The following ABCC9 variants were observed in gnomAD, a reference collection of about 807,000 sequenced individuals.
The protein encoded by ABCC9 is ATP binding cassette subfamily C member 9, also known as ATP-binding cassette sub-family C member 9.
ABCC9 carries 95 observed loss-of-function variants against 188.3 expected under a neutral mutation model. That is an observed-to-expected ratio of 0.50 (90% CI 0.43 to 0.60). The LOEUF (loss-of-function observed/expected upper bound fraction) is 0.60, where lower values mean the gene tolerates loss of function less well. ABCC9 is among the 20% of genes least tolerant of loss of function. The pLI, the probability that ABCC9 is intolerant of heterozygous loss-of-function variation, is 0.00. For missense variants in ABCC9, 1,102 were observed against 1,876.3 expected (o/e 0.59, Z 7.62); for synonymous variants, 659 against 652.7 (o/e 1.01, Z -0.15).
rs193245891 is a variant in ABCC9, at chr12:21,832,953, C to T, written c.3567-3893G>A. On this transcript the variant is annotated intron_variant, in intron 30 of 39. Coordinates refer to ENST00000261200, the MANE Select transcript of ABCC9 (RefSeq NM_020297.4). ...AATACTACTCAGCCATAACAAGGAA[C>T]GAAATAATGGCATTCTCAGCAACCT... 5.8e-4 allele frequency among the ~76,000 whole-genome samples: 88 copies of T among 152,208 alleles called. 1 individual carries two copies. The East Asian group carries it at 0.013, about 22-fold the overall frequency.
In ABCC9 at chr12:21,882,783, C is replaced by T. The variant is rs757093666; in HGVS notation, c.2002G>A (p.Glu668Lys). The change falls in exon 16 of 40, where the codon GAG (glutamate) becomes AAG (lysine). Residue 668 changes from glutamate (E) to lysine (K), a missense_variant. By Grantham distance (56) the Glu-to-Lys change is moderately conservative. Around this residue, in one of 12 missense-constraint regions of ABCC9, gnomAD observed 258 missense variants for 325.6 expected, o/e 0.79. Coordinates refer to ENST00000261200, the MANE Select transcript of ABCC9 (RefSeq NM_020297.4). ...AAAATAACCTTTATTGCAATGTCCT[C>T]TGTTTCTGCGGGACGTAGACGCCGT... ...STRRLRPAET[E>K]DIAIKVTNGY... The T allele has an allele frequency of 1.2e-6, 2 of 1,612,496 alleles. No homozygotes were observed. Among genetic ancestry groups the T allele is most frequent in the East Asian group, 2.2e-5 (1 of 44,862 alleles).
intron 30 of ABCC9, among the ~76,000 whole-genome samples, chr12:21,834,658 G>A (rs1943968298): frequency 6.6e-6 from 1 of 151,946 alleles, no homozygotes; most frequent in African/African-American, 2.4e-5. Flanking sequence ...TTTGGTACTT[G>A]TGGTCAGGAA....
intron 4 of ABCC9, among the ~76,000 whole-genome samples, chr12:21,932,617 CAG>C (rs1949334335): frequency 6.6e-6 from 1 of 151,838 alleles, no homozygotes; most frequent in African/African-American, 2.4e-5. Flanking sequence ...AGGACATGAA[CAG>C]ACACATGTAT....
At chr12:21,844,372 TAA>T in intron 28 of ABCC9, 109 bp downstream of exon 28, 1 of 931,906 alleles carries the variant, frequency 1.1e-6, no homozygotes, top group Non-Finnish European at 1.7e-6. Flanking sequence ...GGCCTTTATT[TAA>T]ATTTCAGAAA....
At chr12:21,910,094 T>G in intron 10 of ABCC9, 63 bp downstream of exon 10, 1 of 1,454,220 alleles carries the variant, frequency 6.9e-7, no homozygotes, top group South Asian at 1.1e-5. Flanking sequence ...GCTAAATACA[T>G]TACTGCTTTT....
chr12:21,837,231 A>C (rs547605537), intron 30 of ABCC9, among the ~76,000 whole-genome samples: 1 of 152,308 alleles, frequency 6.6e-6, no homozygotes, highest in South Asian at 2.1e-4. Flanking sequence ...ATGATGGAAA[A>C]ACATACCAGT....
chr12:21,802,919 G>C (rs1941560872), intron 39 of ABCC9, among the ~76,000 whole-genome samples: 1 of 152,136 alleles, frequency 6.6e-6, no homozygotes, highest in African/African-American at 2.4e-5. Context: ...CTCATGACGT[G>C]AGGGGAAAAG....
chr12:21,937,864 CCTG>C (rs1949553703), intron 2 of ABCC9, among the ~76,000 whole-genome samples: 1 of 152,248 alleles, frequency 6.6e-6, no homozygotes, highest in Middle Eastern at 3.4e-3. Flanking sequence ...CAACCTCCAA[CCTG>C]CTTTTTAAAG....
chr12:21,898,932 T>C (rs1244043076), intron 12 of ABCC9, among the ~76,000 whole-genome samples: 3 of 152,210 alleles, frequency 2.0e-5, no homozygotes, highest in Non-Finnish European at 4.4e-5. Context: ...CTGAAAATGG[T>C]ATTTTTTTCT....
At chr12:21,860,023 ATAT>A (rs1187318791) in intron 21 of ABCC9, among the ~76,000 whole-genome samples, 1 of 152,018 alleles carries the variant, frequency 6.6e-6, no homozygotes, top group East Asian at 1.9e-4. Context: ...CCCAAATTTG[ATAT>A]TATGAGTTAT....
At chr12:21,810,437 G>C (rs1057440558) in intron 36 of ABCC9, among the ~76,000 whole-genome samples, 1 of 152,174 alleles carries the variant, frequency 6.6e-6, no homozygotes, top group East Asian at 1.9e-4. Flanking sequence ...TAAAGAAAGA[G>C]GTTTAATTGA....
chr12:21,872,508 C>T, intron 18 of ABCC9, 117 bp downstream of exon 18: 1 of 805,320 alleles, frequency 1.2e-6, no homozygotes, highest in Non-Finnish European at 2.1e-6. Flanking sequence ...TAAAGCTGTG[C>T]TTATTTCTGC....
chr12:21,833,333 A>G (rs573437680), intron 30 of ABCC9, among the ~76,000 whole-genome samples: 15 of 152,178 alleles, frequency 9.9e-5, no homozygotes, highest in African/African-American at 3.4e-4. Context: ...CCTGGATTGG[A>G]TCCTGCAGGT....
chr12:21,914,385 C>T (rs901979954), intron 7 of ABCC9, among the ~76,000 whole-genome samples: 3 of 151,946 alleles, frequency 2.0e-5, no homozygotes, highest in Admixed American at 6.6e-5. Flanking sequence ...TTTTTTAAAA[C>T]AATAATGAAT....
In ABCC9 at chr12:21,915,692, C is replaced by G; in HGVS notation, c.792G>C (p.Leu264=). ...AMRAVTNYVC[L]KDAYEEQKKK... ...CCTTTTGTTCTTCATATGCATCTTT[C>G]AGGCAAACATAATTTGTTACTGCTC... The change falls in exon 7 of 40, where the codon CTG becomes CTC. Residue 264 remains leucine (L), a synonymous_variant. Transcript: ENST00000261200. 1.2e-6 allele frequency: 2 copies of G among 1,611,736 alleles called. No individual in the cohort carries two copies. The highest frequency in any genetic ancestry group is 1.7e-6 in the Non-Finnish European group (2 of 1,179,366).
At position 21,798,133 on chromosome 12, in the gene ABCC9, A is replaced by G. The variant is rs192230600; in HGVS notation, c.*2911T>C. 1 of 152,350 alleles carries G rather than the reference A, an allele frequency of 6.6e-6. No individual in the cohort carries two copies. The highest frequency in any genetic ancestry group is 1.5e-5 in the Non-Finnish European group (1 of 68,032). 9.4% of individuals were successfully genotyped at this position (152,350 alleles called of 1,614,324 possible). On this transcript the variant is annotated 3_prime_UTR_variant, in exon 40 of 40. Coordinates refer to ENST00000261200, the MANE Select transcript of ABCC9 (RefSeq NM_020297.4). ...ACTAAAAGTTATGAGGGGACCAGCA[A>G]CCACTTGGCTGTAAGAATGGTGAAT...
At chr12:21,932,709 C>G (rs555506488) in intron 4 of ABCC9, among the ~76,000 whole-genome samples, 1 of 151,980 alleles carries the variant, frequency 6.6e-6, no homozygotes, top group Non-Finnish European at 1.5e-5. Flanking sequence ...ACCAGTCAAA[C>G]GGCTACAATT....
chr12:21,882,087 G>A lies in ABCC9; in HGVS notation c.2019+679C>T, dbSNP rs192218528. 3.0e-4 allele frequency among the ~76,000 whole-genome samples: 46 copies of A among 152,200 alleles called. No homozygotes were observed. The East Asian group carries it at 5.4e-3, about 18-fold the overall frequency. ...TATAAACCCCATACTGAGCCTCCCC[G>A]TCTCTGTGACTGGCCTAGGCTGTGC... On this transcript the variant is annotated intron_variant, in intron 16 of 39. Coordinates refer to ENST00000261200, the MANE Select transcript of ABCC9 (RefSeq NM_020297.4).
chr12:21,927,898 C>T (rs1307050838), intron 4 of ABCC9, among the ~76,000 whole-genome samples: 1 of 152,088 alleles, frequency 6.6e-6, no homozygotes, highest in Non-Finnish European at 1.5e-5. Flanking sequence ...TTAGGAAATG[C>T]TTCTAATATT....
Sources: gnomAD v4.1 joint callset for allele counts (sites outside exome capture counted in the v4.1 genomes callset) on GRCh38, gnomAD v4.1.1 for gene constraint, gnomAD v4.1.1 regional missense constraint, MANE v1.5 for transcripts, NCBI Gene and HGNC (gene_info 2026-07-23, HGNC 2026-07-21) for gene names.